Variants in SMAD2 observed in about 807,000 individuals in gnomAD.
SMAD2 encodes the protein MAD homolog 2.
In SMAD2, 8 loss-of-function variants were observed where a neutral mutation model predicts 64.4. The ratio of observed to expected loss-of-function variants is 0.12; its 90% CI spans 0.07 to 0.22. SMAD2 has a LOEUF of 0.22. Among genes scored for constraint, SMAD2 ranks in the 10% least tolerant of loss-of-function variants. The pLI is 1.00. For synonymous variants in SMAD2, 203 were observed against 195.8 expected (o/e 1.04, Z -0.31); for missense variants, 289 against 561.2 (o/e 0.51, Z 4.90).
intron 6 of SMAD2, among the ~76,000 whole-genome samples, chr18:47,851,970 T>C (rs1332936267): frequency 6.6e-6 from 1 of 152,186 alleles, no homozygotes; most frequent in Non-Finnish European, 1.5e-5. Flanking sequence ...TTATCATTCA[T>C]CAAGGTTGTA....
intron 2 of SMAD2, among the ~76,000 whole-genome samples, chr18:47,890,399 T>C (rs2033134261): frequency 2.0e-5 from 3 of 152,260 alleles, no homozygotes; most frequent in Non-Finnish European, 4.4e-5. Context: ...GCAAAAACTT[T>C]TTCTAAGCAG....
chr18:47,909,068 T>TAA (rs74172082), intron 1 of SMAD2, among the ~76,000 whole-genome samples: 2 of 136,986 alleles, frequency 1.5e-5, no homozygotes, highest in African/African-American at 5.5e-5. Context: ...GAACTACAGC[T>TAA]AAAAAAAAAA....
At chr18:47,875,813 T>C (rs1477529397) in intron 2 of SMAD2, among the ~76,000 whole-genome samples, 2 of 152,110 alleles carry the variant, frequency 1.3e-5, no homozygotes, top group African/African-American at 4.8e-5. Context: ...TGTGTAAGAC[T>C]AAATGGATTA....
In SMAD2 at chr18:47,825,034, T is replaced by G; in HGVS notation, c.*16793A>C. On this transcript the variant is annotated 3_prime_UTR_variant, in exon 11 of 11. Coordinates refer to ENST00000262160, the MANE Select transcript of SMAD2 (RefSeq NM_005901.6). ...GTCGTTTTCTCTGGTTGTTGGAATC[T>G]GGGTGATTTTTTAAAGTCCCATCCA... is the stretch of plus-strand genomic sequence containing the variant. 6.6e-6 allele frequency: 1 copy of G among 152,326 alleles called. No individual in the cohort carries two copies. Among genetic ancestry groups the G allele is most frequent in the African/African-American group, 2.4e-5 (1 of 41,566 alleles). 9.4% of individuals were successfully genotyped at this position (152,326 alleles called of 1,614,324 possible). A position where few individuals can be genotyped will look rare whatever the true frequency, so the allele number is the denominator to read the frequency against.
intron 2 of SMAD2, among the ~76,000 whole-genome samples, chr18:47,890,740 A>G (rs932759825): frequency 6.6e-6 from 1 of 152,248 alleles, no homozygotes; most frequent in Non-Finnish European, 1.5e-5. Context: ...ATAGTGTTTC[A>G]TACATATTAC....
chr18:47,869,234 T>C lies in SMAD2; in HGVS notation c.520+9A>G, dbSNP rs757730786. 1 of 1,606,330 alleles carries C rather than the reference T, an allele frequency of 6.2e-7. No homozygotes were observed. The highest frequency in any genetic ancestry group is 8.5e-7 in the Non-Finnish European group (1 of 1,173,244). ...TCAAAACCAAGAAAAAAACTTGCAA[T>C]ATTCCTACCTGGTGTCTCAACTCTC... On this transcript the variant is annotated intron_variant, in intron 4 of 10. Transcript: ENST00000262160.
In SMAD2 at chr18:47,818,282, A is replaced by G. The variant is rs1912440382; in HGVS notation, c.*23545T>C. 6.6e-6 allele frequency: 1 copy of G among 152,248 alleles called. No homozygotes were observed. Among genetic ancestry groups the G allele is most frequent in the Non-Finnish European group, 1.5e-5 (1 of 68,040 alleles). The allele number at this position is 152,248 out of a possible 1,614,324, so 9.4% of individuals were successfully genotyped here. ...CCTTAAATTAATGGCTTTATAAATT[A>G]TAATAGTTCCCTGGCAACCAACACC... On this transcript the variant is annotated 3_prime_UTR_variant, in exon 11 of 11. Transcript: ENST00000262160.
rs1333492296 is a variant in SMAD2, at chr18:47,835,239, G to C, written c.*6588C>G. 1 of 218,156 alleles carries C rather than the reference G, an allele frequency of 4.6e-6. No individual in the cohort carries two copies. Among genetic ancestry groups the C allele is most frequent in the African/African-American group, 2.3e-5 (1 of 44,438 alleles). The allele number at this position is 218,156 out of a possible 1,614,324, so 13.5% of individuals were successfully genotyped here. A position where few individuals can be genotyped will look rare whatever the true frequency, so the allele number is the denominator to read the frequency against. ...CACTGGTCTAAGAAAGTACCAATTT[G>C]GGTTCTATATTTTGTCAAACAGTTG... On this transcript the variant is annotated 3_prime_UTR_variant, in exon 11 of 11. Transcript: ENST00000262160.
chr18:47,860,155 A>T (rs184504226), intron 6 of SMAD2, among the ~76,000 whole-genome samples: 252 of 151,998 alleles, frequency 1.7e-3, no homozygotes, highest in African/African-American at 5.7e-3. Flanking sequence ...CCTATGACTT[A>T]AATGAAATGA....
At chr18:47,891,470 T>C (rs9952115) in intron 2 of SMAD2, among the ~76,000 whole-genome samples, 1,798 of 151,912 alleles carry the variant, frequency 0.012, 32 homozygotes, top group African/African-American at 0.041. Context: ...CGTATAATCA[T>C]GGTTGATTTT....
intron 10 of SMAD2, among the ~76,000 whole-genome samples, chr18:47,843,872 G>A (rs1416932082): frequency 6.6e-6 from 1 of 152,052 alleles, no homozygotes; most frequent in Non-Finnish European, 1.5e-5. Context: ...GTTCTTAGCA[G>A]ATCTATAGAT....
In SMAD2 at chr18:47,824,705, T is replaced by C. The variant is rs1000367685; in HGVS notation, c.*17122A>G. ...TGCTTCCAAACACACTAAAGTACAG[T>C]ATACTCAATTTTAAATATAGACAGT... On this transcript the variant is annotated 3_prime_UTR_variant, in exon 11 of 11. Transcript: ENST00000262160. The C allele has an allele frequency of 6.6e-6, 1 of 152,316 alleles. No individual in the cohort carries two copies. Among genetic ancestry groups the C allele is most frequent in the African/African-American group, 2.4e-5 (1 of 41,564 alleles). 9.4% of individuals were successfully genotyped at this position (152,316 alleles called of 1,614,324 possible).
intron 1 of SMAD2, among the ~76,000 whole-genome samples, chr18:47,907,030 G>C (rs1366367708): frequency 6.6e-6 from 1 of 152,122 alleles, no homozygotes; most frequent in Non-Finnish European, 1.5e-5. Flanking sequence ...ATTAGAACCT[G>C]AATATCTTTG....
At chr18:47,893,144 C>T (rs148390435) in intron 2 of SMAD2, among the ~76,000 whole-genome samples, 43 of 152,286 alleles carry the variant, frequency 2.8e-4, no homozygotes, top group African/African-American at 9.9e-4. Flanking sequence ...TATTATTTAG[C>T]TCACTGCAGC....
At chr18:47,863,558 T>C (rs2031344395) in intron 6 of SMAD2, among the ~76,000 whole-genome samples, 1 of 152,334 alleles carries the variant, frequency 6.6e-6, no homozygotes, top group South Asian at 2.1e-4. Context: ...GCAGCCTTTT[T>C]TTTCTGGCTT....
chr18:47,845,414 A>G lies in SMAD2; in HGVS notation c.1206T>C (p.Phe402=). The part of the protein sequence containing the change: ...ALLAQSVNQG[F]EAVYQLTRMC... ...TTCTAGTTAGCTGATAGACGGCTTC[A>G]AAACCCTGATTAACAGACTGAGCCA... The change falls in exon 10 of 11, where the codon TTT becomes TTC. Residue 402 remains phenylalanine (F), a synonymous_variant. Coordinates refer to ENST00000262160, the MANE Select transcript of SMAD2 (RefSeq NM_005901.6). The G allele has an allele frequency of 6.2e-7, 1 of 1,613,876 alleles. No homozygotes were observed. Among genetic ancestry groups the G allele is most frequent in the East Asian group, 2.2e-5 (1 of 44,872 alleles).
At chr18:47,920,738 C>T (rs2034528465) in intron 1 of SMAD2, among the ~76,000 whole-genome samples, 1 of 152,180 alleles carries the variant, frequency 6.6e-6, no homozygotes, top group African/African-American at 2.4e-5. Flanking sequence ...TGAACTACTC[C>T]TAGAAATCTA....
In SMAD2 at chr18:47,816,080, T is replaced by A. The variant is rs1024303637; in HGVS notation, c.*25747A>T. On this transcript the variant is annotated 3_prime_UTR_variant, in exon 11 of 11. Transcript: ENST00000262160. Reference sequence around the variant, plus strand: ...AGTCACCTAAGAGACGGTAAACACATACCTCATGTCTTGGCTTCTAGAGCC... The same window carrying A: ...AGTCACCTAAGAGACGGTAAACACAAACCTCATGTCTTGGCTTCTAGAGCC... The A allele has an allele frequency of 2.6e-5, 4 of 152,182 alleles. No homozygotes were observed. The highest frequency in any genetic ancestry group is 6.5e-5 in the Admixed American group (1 of 15,282). The allele number at this position is 152,182 out of a possible 1,614,324, so 9.4% of individuals were successfully genotyped here.
At position 47,828,450 on chromosome 18, in the gene SMAD2, A is replaced by T. The variant is rs968645048; in HGVS notation, c.*13377T>A. The T allele has an allele frequency of 3.6e-5, 6 of 165,118 alleles. No individual in the cohort carries two copies. Among genetic ancestry groups the T allele is most frequent in the Non-Finnish European group, 5.1e-5 (4 of 78,736 alleles). The allele number at this position is 165,118 out of a possible 1,614,324, so 10.2% of individuals were successfully genotyped here. A position where few individuals can be genotyped will look rare whatever the true frequency, so the allele number is the denominator to read the frequency against. ...GGGAGGTGTACCCAACAGCTCATTG[A>T]GAGCGGGCCATGATGACGATGGCGG... On this transcript the variant is annotated 3_prime_UTR_variant, in exon 11 of 11. Coordinates refer to ENST00000262160, the MANE Select transcript of SMAD2 (RefSeq NM_005901.6).
Sources: gnomAD v4.1 joint callset for allele counts (sites outside exome capture counted in the v4.1 genomes callset) on GRCh38, gnomAD v4.1.1 for gene constraint, MANE v1.5 for transcripts, NCBI Gene and HGNC (gene_info 2026-07-23, HGNC 2026-07-21) for gene names.